ARMC2: variants seen among roughly 807,000 people sequenced by gnomAD.
ARMC2 encodes armadillo repeat-containing protein 2.
ARMC2 carries 67 observed loss-of-function variants against 90.3 expected under a neutral mutation model. The ratio of observed to expected loss-of-function variants is 0.74; its 90% CI spans 0.61 to 0.91. ARMC2 has a LOEUF of 0.91. Among genes scored for constraint, ARMC2 ranks in the 40% least tolerant of loss-of-function variants. The pLI is 0.00. For synonymous variants in ARMC2, 393 were observed against 393.0 expected (o/e 1.00, Z 0.00); for missense variants, 920 against 1,030.9 (o/e 0.89, Z 1.47).
At position 108,894,520 on chromosome 6, in the gene ARMC2, T is replaced by C. The variant is rs1286534411; in HGVS notation, c.725T>C (p.Leu242Pro). 1 of 1,609,664 alleles carries C rather than the reference T, an allele frequency of 6.2e-7. No homozygotes were observed. Among genetic ancestry groups the C allele is most frequent in the South Asian group, 1.1e-5 (1 of 90,624 alleles). ...TCATCATGCCCCAGTAGCTCAGACC[T>C]GAGCAGGCTGCAAACCAAAGCAGGT... ...RASSCPSSSD[L>P]SRLQTKAVPK... is the part of the protein sequence containing the mutation. The change falls in exon 6 of 18, where the codon CTG becomes CCG. Residue 242 changes from leucine (L) to proline (P), a missense_variant. Physicochemically the swap from Leu to Pro is moderately conservative, Grantham distance 98 (BLOSUM62 -3). Coordinates refer to ENST00000392644, the MANE Select transcript of ARMC2 (RefSeq NM_032131.6).
the ARMC2 span, among the ~76,000 whole-genome samples, chr6:108,997,576 ACTT>A: frequency 2.6e-5 from 4 of 152,222 alleles, no homozygotes; most frequent in Non-Finnish European, 1.5e-5. Flanking sequence ...TTGGCATTTT[ACTT>A]CTTTAGAGAC....
the ARMC2 span, among the ~76,000 whole-genome samples, chr6:109,021,285 C>T: frequency 6.6e-6 from 1 of 152,108 alleles, no homozygotes; most frequent in South Asian, 2.1e-4. Flanking sequence ...GCCGAGCCCA[C>T]CATGTACTTT....
the ARMC2 span, among the ~76,000 whole-genome samples, chr6:109,023,677 T>G: frequency 5.3e-5 from 8 of 152,198 alleles, no homozygotes; most frequent in Admixed American, 6.5e-5. Flanking sequence ...TAAACTGCAT[T>G]TTCATTATGT....
At position 108,887,682 on chromosome 6, in the gene ARMC2, T is replaced by C. The variant is rs527791272; in HGVS notation, c.672-6785T>C. 1.4e-4 allele frequency among the ~76,000 whole-genome samples: 21 copies of C among 152,320 alleles called. 1 individual carries two copies. Among genetic ancestry groups the C allele is most frequent in the African/African-American group, 4.8e-4 (20 of 41,562 alleles). On this transcript the variant is annotated intron_variant, in intron 5 of 17. Transcript: ENST00000392644. The stretch of plus-strand genomic sequence containing the variant: ...TTTTTGTTATTTGTCGATCAAGATA[T>C]CATAAAGAACAAAACAGTGCCAATC...
the ARMC2 span, among the ~76,000 whole-genome samples, chr6:109,013,397 A>G: frequency 6.6e-6 from 1 of 152,186 alleles, no homozygotes; most frequent in Non-Finnish European, 1.5e-5. Context: ...ATGGTAGTTA[A>G]GTTCCTTGAG....
chr6:109,013,697 G>C, the ARMC2 span, among the ~76,000 whole-genome samples: 1 of 152,138 alleles, frequency 6.6e-6, no homozygotes, highest in Non-Finnish European at 1.5e-5. Context: ...ATACAGTAAT[G>C]GTTTTAGCCA....
intron 12 of ARMC2, among the ~76,000 whole-genome samples, chr6:108,942,218 T>C (rs1776498803): frequency 6.6e-6 from 1 of 152,246 alleles, no homozygotes; most frequent in African/African-American, 2.4e-5. Flanking sequence ...TGAAATGCTT[T>C]GGCACCTGTA....
chr6:109,001,678 G>C, the ARMC2 span, among the ~76,000 whole-genome samples: 1 of 152,056 alleles, frequency 6.6e-6, no homozygotes, highest in Non-Finnish European at 1.5e-5. Flanking sequence ...TATATAGTAG[G>C]GGATAAACAA....
Position 108,972,991 on chromosome 6 carries a change from G to T in ARMC2, c.2447-366G>T, listed in dbSNP as rs771741340. 1.6e-4 allele frequency among the ~76,000 whole-genome samples: 24 copies of T among 151,996 alleles called. 1 individual carries two copies. Among genetic ancestry groups the T allele is most frequent in the African/African-American group, 5.8e-4 (24 of 41,370 alleles). On this transcript the variant is annotated intron_variant, in intron 17 of 17. Transcript: ENST00000392644. The stretch of plus-strand genomic sequence containing the variant: ...CCAGACTTTTTTTGAAAAAAATATT[G>T]CCCATTTAAATTAAGATACCAAAAT...
intron 5 of ARMC2, among the ~76,000 whole-genome samples, chr6:108,881,706 A>G (rs2768537): frequency 0.81 from 123,178 of 151,616 alleles, 50,159 homozygotes; most frequent in South Asian, 0.86. Flanking sequence ...TAGTTTGTGT[A>G]TGTGTGTGTT....
chr6:108,857,320 G>T (rs1325040150), intron 2 of ARMC2, among the ~76,000 whole-genome samples: 1 of 152,102 alleles, frequency 6.6e-6, no homozygotes, highest in Non-Finnish European at 1.5e-5. Flanking sequence ...AGTTTTTGGA[G>T]TGCTAATATA....
chr6:108,967,404 T>C (rs1778449279), intron 17 of ARMC2, among the ~76,000 whole-genome samples: 1 of 152,094 alleles, frequency 6.6e-6, no homozygotes, highest in Non-Finnish European at 1.5e-5. Context: ...CCGTGTGGCA[T>C]AAAGATGGAT....
the ARMC2 span, chr6:108,987,165 A>ACTAT: frequency 6.1e-6 from 1 of 165,038 alleles, no homozygotes; most frequent in Non-Finnish European, 1.3e-5. Context: ...AAAATTCTTT[A>ACTAT]CATATAAAGC....
the ARMC2 span, among the ~76,000 whole-genome samples, chr6:109,020,523 A>G: frequency 6.6e-6 from 1 of 152,230 alleles, no homozygotes; most frequent in African/African-American, 2.4e-5. Context: ...CATACCACAA[A>G]TACAACTTTC....
intron 3 of ARMC2, among the ~76,000 whole-genome samples, chr6:108,864,531 G>A (rs1440561144): frequency 1.3e-5 from 2 of 152,218 alleles, no homozygotes; most frequent in Non-Finnish European, 2.9e-5. Context: ...ACAGGCATGA[G>A]CCACCACGCC....
At chr6:109,051,150 CA>C in the ARMC2 span, among the ~76,000 whole-genome samples, 4 of 146,236 alleles carry the variant, frequency 2.7e-5, no homozygotes, top group African/African-American at 7.4e-5. Context: ...CTCTTAAAAA[CA>C]AAAAAAAACA....
chr6:108,892,489 A>G (rs966710085), intron 5 of ARMC2, among the ~76,000 whole-genome samples: 1 of 151,902 alleles, frequency 6.6e-6, no homozygotes, highest in African/African-American at 2.4e-5. Flanking sequence ...GGTGGGCGCC[A>G]TGGCTCACAC....
intron 11 of ARMC2, among the ~76,000 whole-genome samples, chr6:108,935,826 T>C (rs1230702640): frequency 6.6e-6 from 1 of 152,224 alleles, no homozygotes; most frequent in Non-Finnish European, 1.5e-5. Flanking sequence ...CTTTGACCTA[T>C]AAGTTAGGTG....
chr6:108,985,212 G>GT, the ARMC2 span, among the ~76,000 whole-genome samples: 369 of 152,192 alleles, frequency 2.4e-3, 1 homozygote, highest in African/African-American at 8.5e-3. Context: ...CTGGTGGTCT[G>GT]TATCAAAATC....
Sources: gnomAD v4.1 joint callset for allele counts (sites outside exome capture counted in the v4.1 genomes callset) on GRCh38, gnomAD v4.1.1 for gene constraint, MANE v1.5 for transcripts, NCBI Gene and HGNC (gene_info 2026-07-23, HGNC 2026-07-21) for gene names.